SCN2A: variants seen among roughly 807,000 people sequenced by gnomAD.
SCN2A encodes sodium channel protein type 2 subunit alpha.
Under a neutral mutation model 188.7 loss-of-function variants are expected in SCN2A, and 20 were observed. The observed-to-expected ratio is 0.11, with a 90% CI of 0.07 to 0.15. The LOEUF is 0.15. SCN2A is among the 10% of genes least tolerant of loss of function. The pLI is 1.00. For missense variants in SCN2A, 1,278 were observed against 2,445.0 expected, an observed-to-expected ratio of 0.52 and a Z score of 10.07; for synonymous variants, 804 against 833.1, an observed-to-expected ratio of 0.97 and a Z score of 0.60.
intron 1 of SCN2A, among the ~76,000 whole-genome samples, chr2:165,246,866 G>A (rs936409118): frequency 6.6e-6 from 1 of 151,958 alleles, no homozygotes; most frequent in African/African-American, 2.4e-5. Flanking sequence ...TACTCTCCCA[G>A]GTTCTTGTAC....
At chr2:165,289,246 T>TA (rs1252531532) in intron 1 of SCN2A, among the ~76,000 whole-genome samples, 1 of 152,074 alleles carries the variant, frequency 6.6e-6, no homozygotes, top group African/African-American at 2.4e-5. Context: ...TAAATTGTCT[T>TA]ATCTTTCATA....
rs973265784 is a variant in SCN2A, at chr2:165,239,564, A to T, written c.-128A>T. The T allele has an allele frequency of 6.5e-6, 6 of 924,846 alleles. No individual in the cohort carries two copies. Among genetic ancestry groups the T allele is most frequent in the Non-Finnish European group, 7.7e-6 (6 of 774,900 alleles). The allele number at this position is 924,846 out of a possible 1,614,324, so 57.3% of individuals were successfully genotyped here. On this transcript the variant is annotated 5_prime_UTR_variant, in exon 1 of 27. Transcript: ENST00000375437. ...ACTTTCTACTCCAGTAAAAATTCTG[A>T]AGAATTGCATTGGAGACTGTTATAT...
rs55979694 is a variant in SCN2A, at chr2:165,291,035, C to CTT, written c.-51-4715_-51-4714dup. Among the ~76,000 whole-genome samples, 571 of 79,990 alleles carry CTT rather than the reference C, an allele frequency of 7.1e-3. 16 individuals carry two copies. Among genetic ancestry groups the CTT allele is most frequent in the East Asian group, 0.025 (55 of 2,242 alleles). 52.5% of individuals were successfully genotyped at this position (79,990 alleles called of 152,430 possible). On this transcript the variant is annotated intron_variant, in intron 1 of 26. Transcript: ENST00000375437. ...GGTGTTTTTTTCTTTTCTTTTCTTT[C>CTT]TTTTTTTTTTTTTTTTTTTTTTTTG...
At chr2:165,273,605 CTT>C (rs906982000) in intron 1 of SCN2A, 2 of 152,110 alleles carry the variant, frequency 1.3e-5, no homozygotes, top group African/African-American at 4.8e-5. Context: ...CCCTCTCTCT[CTT>C]TCTCTCTGTC....
chr2:165,373,144 G>C, intron 20 of SCN2A, 81 bp from the exon 21 acceptor site: 1 of 1,455,138 alleles, frequency 6.9e-7, no homozygotes, highest in Non-Finnish European at 9.6e-7. Context: ...GAGAATTACT[G>C]ATTCATTGCA....
intron 1 of SCN2A, among the ~76,000 whole-genome samples, chr2:165,259,035 A>T (rs762237676): frequency 2.6e-4 from 39 of 152,218 alleles, no homozygotes; most frequent in Non-Finnish European, 4.9e-4. Context: ...TGTTACATGC[A>T]GTTTACCTAT....
intron 22 of SCN2A, among the ~76,000 whole-genome samples, chr2:165,377,267 A>T (rs949630784): frequency 1.3e-5 from 2 of 151,952 alleles, no homozygotes; most frequent in Non-Finnish European, 2.9e-5. Flanking sequence ...ATACACATGA[A>T]ATTTTTTCAT....
In SCN2A at chr2:165,323,494, A is replaced by G; in HGVS notation, c.2010A>G (p.Leu670=). Reference sequence around the variant, plus strand: ...CCCTCACATCTGCTGGGCAGCTCCTACCAGAGGTGAGGCCAATTAAAATTG... The same window carrying G: ...CCCTCACATCTGCTGGGCAGCTCCTGCCAGAGGTGAGGCCAATTAAAATTG... The part of the protein sequence containing the change: ...PSTLTSAGQL[L]PEGTTTETEI... Residue 670 remains leucine (L), a synonymous_variant, in exon 12 of 27, where the codon CTA becomes CTG. Coordinates refer to ENST00000375437, the MANE Select transcript of SCN2A (RefSeq NM_001040142.2). 6.2e-7 allele frequency: 1 copy of G among 1,611,096 alleles called. No homozygotes were observed. Among genetic ancestry groups the G allele is most frequent in the Non-Finnish European group, 8.5e-7 (1 of 1,178,582 alleles).
At chr2:165,275,001 T>A (rs1278372521) in intron 1 of SCN2A, among the ~76,000 whole-genome samples, 1 of 152,214 alleles carries the variant, frequency 6.6e-6, no homozygotes, top group Non-Finnish European at 1.5e-5. Flanking sequence ...GTGTCACTGG[T>A]GAAACTGCTG....
intron 16 of SCN2A, among the ~76,000 whole-genome samples, chr2:165,351,856 A>G (rs1417509551): frequency 6.6e-5 from 10 of 150,436 alleles, no homozygotes; most frequent in Non-Finnish European, 1.5e-5. Context: ...CCAATCTATC[A>G]GTAAAGCTGT....
At chr2:165,310,106 T>G (rs1314341502) in intron 6 of SCN2A, among the ~76,000 whole-genome samples, 1 of 152,176 alleles carries the variant, frequency 6.6e-6, no homozygotes, top group Non-Finnish European at 1.5e-5. Flanking sequence ...TTCATTTCCA[T>G]TCACAGTTTT....
intron 25 of SCN2A, among the ~76,000 whole-genome samples, chr2:165,382,883 TGA>T (rs1252519965): frequency 6.6e-6 from 1 of 152,162 alleles, no homozygotes; most frequent in African/African-American, 2.4e-5. Context: ...ATTCTCAGAA[TGA>T]GGCCTTGCAT....
At chr2:165,252,326 G>A (rs917484417) in intron 1 of SCN2A, among the ~76,000 whole-genome samples, 1 of 152,022 alleles carries the variant, frequency 6.6e-6, no homozygotes, top group African/African-American at 2.4e-5. Context: ...CATTTAACTA[G>A]TATAAATATA....
intron 1 of SCN2A, among the ~76,000 whole-genome samples, chr2:165,248,880 A>T (rs927932398): frequency 6.6e-6 from 1 of 152,142 alleles, no homozygotes; most frequent in African/African-American, 2.4e-5. Flanking sequence ...AAGGGGCACC[A>T]TGCTTTCTCT....
chr2:165,345,001 TA>T, intron 16 of SCN2A, 90 bp downstream of exon 16: 1 of 1,524,360 alleles, frequency 6.6e-7, no homozygotes, highest in Non-Finnish European at 9.1e-7. Flanking sequence ...TTGTATTTTT[TA>T]AATCAAGGCC....
Position 165,375,581 on chromosome 2 carries a change from G to A in SCN2A, c.4254+615G>A, listed in dbSNP as rs149010888. 5.5e-4 allele frequency among the ~76,000 whole-genome samples: 84 copies of A among 152,032 alleles called. 1 individual carries two copies. In the East Asian group the frequency reaches 0.015, roughly 27 times the overall value. ...TGTGGCACTAAGAAACTGAGAAAAT[G>A]TACAAGACTTTTGTTTTCAGAATTA... On this transcript the variant is annotated intron_variant, in intron 22 of 26. Coordinates refer to ENST00000375437, the MANE Select transcript of SCN2A (RefSeq NM_001040142.2).
intron 16 of SCN2A, among the ~76,000 whole-genome samples, chr2:165,350,999 C>T (rs1699882185): frequency 6.6e-6 from 1 of 152,156 alleles, no homozygotes; most frequent in Non-Finnish European, 1.5e-5. Context: ...AAGAACTGTG[C>T]TGAAAGCCAC....
chr2:165,248,660 C>T (rs183199400), intron 1 of SCN2A, among the ~76,000 whole-genome samples: 2 of 151,704 alleles, frequency 1.3e-5, no homozygotes, highest in East Asian at 3.9e-4. Context: ...ATTTCCTTCC[C>T]TTCTAACACA....
At chr2:165,363,692 G>T (rs959298233) in intron 17 of SCN2A, among the ~76,000 whole-genome samples, 2 of 152,128 alleles carry the variant, frequency 1.3e-5, no homozygotes, top group East Asian at 3.9e-4. Context: ...TAATGACAAA[G>T]ATATTAGGAT....
Sources: allele counts gnomAD v4.1 joint callset (sites outside exome capture counted in the v4.1 genomes callset), GRCh38; gene constraint gnomAD v4.1.1; transcripts MANE v1.5; gene names NCBI Gene and HGNC (gene_info 2026-07-23, HGNC 2026-07-21).